The following KIAA0232 variants were observed in gnomAD, a reference collection of about 807,000 sequenced individuals.
The protein encoded by KIAA0232 is uncharacterized protein KIAA0232.
A neutral mutation model predicts 122.0 loss-of-function variants in KIAA0232; 27 were observed. The ratio of observed to expected loss-of-function variants is 0.22; its 90% CI spans 0.16 to 0.31. The LOEUF (loss-of-function observed/expected upper bound fraction) is 0.31, where lower values mean the gene tolerates loss of function less well. Ranked by LOEUF, KIAA0232 falls within the 10% of genes least tolerant of loss-of-function variation. The pLI, the probability that KIAA0232 is intolerant of heterozygous loss-of-function variation, is 1.00. For missense variants in KIAA0232, 1,551 were observed against 1,634.2 expected, an observed-to-expected ratio of 0.95 and a Z score of 0.88; for synonymous variants, 613 against 587.6, an observed-to-expected ratio of 1.04 and a Z score of -0.63.
intron 7 of KIAA0232, 148 bp from the exon 8 acceptor site, chr4:6,871,426 C>T: frequency 1.8e-6 from 1 of 563,038 alleles, no homozygotes; most frequent in Non-Finnish European, 3.1e-6. Flanking sequence ...AGAGCCAGAC[C>T]CTATCTCAAA....
At chr4:6,806,704 A>G (rs1415555238) in intron 2 of KIAA0232, among the ~76,000 whole-genome samples, 1 of 132,894 alleles carries the variant, frequency 7.5e-6, no homozygotes, top group Non-Finnish European at 1.5e-5. Context: ...ACTGCACTCC[A>G]TCCTGGGTGA....
At chr4:6,826,627 C>G (rs756628678) in intron 3 of KIAA0232, among the ~76,000 whole-genome samples, 2 of 151,628 alleles carry the variant, frequency 1.3e-5, no homozygotes, top group Non-Finnish European at 2.9e-5. Flanking sequence ...GCCTCTGTCT[C>G]CTGAGTAGCT....
At chr4:6,876,825 T>G (rs1721781243) in intron 9 of KIAA0232, 68 bp downstream of exon 9, 1 of 1,150,596 alleles carries the variant, frequency 8.7e-7, no homozygotes, top group Non-Finnish European at 1.3e-6. Flanking sequence ...GTCACTGTAG[T>G]CAAAAACCTG....
rs372985624 is a variant in KIAA0232, at chr4:6,880,953, G to C, written c.4175G>C (p.Arg1392Pro). 1.4e-5 allele frequency: 22 copies of C among 1,552,090 alleles called. No homozygotes were observed. The East Asian group carries it at 4.4e-4, about 31-fold the overall frequency. Residue 1392 changes from arginine (R) to proline (P), a missense_variant, in exon 10 of 10, where the codon CGA (arginine) becomes CCA (proline). Around this residue, in one of 5 missense-constraint regions of KIAA0232, gnomAD observed 1,108 missense variants for 1,154.8 expected, o/e 0.96. Transcript: ENST00000307659. ...VGPSEEELFS[R>P]THL The stretch of plus-strand genomic sequence containing the variant: ...CCTAGTGAAGAGGAGCTCTTTTCTC[G>C]AACTCATCTCTAAACCTGCAAAATA...
At chr4:6,797,732 C>G (rs1717191444) in intron 1 of KIAA0232, among the ~76,000 whole-genome samples, 1 of 145,020 alleles carries the variant, frequency 6.9e-6, no homozygotes, top group Non-Finnish European at 1.5e-5. Context: ...CACTACTGTG[C>G]TCCAGCTAGC....
chr4:6,831,024 CTTTT>C (rs934670901), intron 3 of KIAA0232, among the ~76,000 whole-genome samples: 7 of 151,128 alleles, frequency 4.6e-5, no homozygotes, highest in East Asian at 3.9e-4. Flanking sequence ...CTTTCTTTCT[CTTTT>C]TTTTTATTTT....
At chr4:6,837,038 C>T (rs1266230803) in intron 3 of KIAA0232, among the ~76,000 whole-genome samples, 3 of 152,226 alleles carry the variant, frequency 2.0e-5, no homozygotes, top group Non-Finnish European at 4.4e-5. Context: ...TCATCATGGC[C>T]CATTCTCCAT....
chr4:6,851,921 C>A (rs1420865024), intron 4 of KIAA0232, among the ~76,000 whole-genome samples: 1 of 152,026 alleles, frequency 6.6e-6, no homozygotes, highest in Non-Finnish European at 1.5e-5. Context: ...GATCATGTTC[C>A]CTTTATGTTA....
At chr4:6,874,807 C>T (rs1721664518) in intron 8 of KIAA0232, among the ~76,000 whole-genome samples, 1 of 152,114 alleles carries the variant, frequency 6.6e-6, no homozygotes, top group Non-Finnish European at 1.5e-5. Flanking sequence ...TGTCATAGCC[C>T]GAAACAGGGT....
chr4:6,789,009 C>G (rs533218459), intron 1 of KIAA0232, among the ~76,000 whole-genome samples: 1 of 151,652 alleles, frequency 6.6e-6, no homozygotes, highest in African/African-American at 2.4e-5. Flanking sequence ...CTCGCTCTGT[C>G]GCCCAGGCTC....
chr4:6,862,774 C>G lies in KIAA0232; in HGVS notation c.2392C>G (p.Gln798Glu), dbSNP rs1327546186. Residue 798 changes from glutamine (Q) to glutamate (E), a missense_variant, in exon 7 of 10, where the codon CAA (glutamine) becomes GAA (glutamate). By Grantham distance (29) the Gln-to-Glu change is conservative. Coordinates refer to ENST00000307659, the MANE Select transcript of KIAA0232 (RefSeq NM_014743.3). ...LESVCGIQLEQKTENKNFETT... is the reference protein window; with the variant it reads ...LESVCGIQLEEKTENKNFETT... ...ATCCGTCTGTGGTATTCAGCTAGAA[C>G]AAAAAACAGAAAACAAAAATTTTGA... is the stretch of plus-strand genomic sequence containing the variant. 1.2e-6 allele frequency: 2 copies of G among 1,613,798 alleles called. No homozygotes were observed. Among genetic ancestry groups the G allele is most frequent in the South Asian group, 1.1e-5 (1 of 91,018 alleles).
intron 4 of KIAA0232, among the ~76,000 whole-genome samples, chr4:6,852,847 A>G (rs1217171087): frequency 6.6e-6 from 1 of 152,192 alleles, no homozygotes; most frequent in African/African-American, 2.4e-5. Flanking sequence ...ACCACATGGC[A>G]GATGGAGAAC....
chr4:6,830,461 G>C lies in KIAA0232; in HGVS notation c.231+5777G>C, dbSNP rs978139491. Among the ~76,000 whole-genome samples, 6 of 139,492 alleles carry C rather than the reference G, an allele frequency of 4.3e-5. No individual in the cohort carries two copies. The Admixed American group carries it at 4.5e-4, about 11-fold the overall frequency. 91.5% of individuals were successfully genotyped at this position (139,492 alleles called of 152,430 possible). ...CACTCACTGTGTTGCCCAGGCTAGAGTGCAGGGGCGATCTCAGCTCACTGC... is the reference window on the plus strand; with the variant it reads ...CACTCACTGTGTTGCCCAGGCTAGACTGCAGGGGCGATCTCAGCTCACTGC... On this transcript the variant is annotated intron_variant, in intron 3 of 9. Transcript: ENST00000307659.
chr4:6,832,883 T>C (rs929177789), intron 3 of KIAA0232, among the ~76,000 whole-genome samples: 3 of 152,188 alleles, frequency 2.0e-5, no homozygotes, highest in Non-Finnish European at 4.4e-5. Context: ...TTAAATCCCC[T>C]AATCAAATTG....
rs563737303 is a variant in KIAA0232, at chr4:6,850,854, G to A, written c.370-6310G>A. Among the ~76,000 whole-genome samples, 6 of 152,184 alleles carry A rather than the reference G, an allele frequency of 3.9e-5. No individual in the cohort carries two copies. The South Asian group carries it at 1.2e-3, about 32-fold the overall frequency. ...CCAGCTAATTTTTGTATTCTTAGTA[G>A]AGACGGGATTTCACCATGTTGGCCA... On this transcript the variant is annotated intron_variant, in intron 4 of 9. Transcript: ENST00000307659.
rs1465267502 is a variant in KIAA0232, at chr4:6,782,826, CCGGCAGCCT to C, written c.-362_-354del. On this transcript the variant is annotated 5_prime_UTR_variant, in exon 1 of 10. Transcript: ENST00000307659. Reference sequence around the variant, plus strand: ...GCGCCCCCGCCGGCCGCCGCGCCGCCCGGCAGCCTCGGCAGGTACTGCGGGCAGGCGGCG... The same window carrying C: ...GCGCCCCCGCCGGCCGCCGCGCCGCCCGGCAGGTACTGCGGGCAGGCGGCG... The C allele has an allele frequency of 1.3e-5, 2 of 148,600 alleles. No individual in the cohort carries two copies. Among genetic ancestry groups the C allele is most frequent in the African/African-American group, 2.4e-5 (1 of 41,034 alleles). The allele number at this position is 148,600 out of a possible 1,614,324, so 9.2% of individuals were successfully genotyped here.
intron 1 of KIAA0232, among the ~76,000 whole-genome samples, chr4:6,785,224 A>C (rs959810117): frequency 6.6e-6 from 1 of 152,208 alleles, no homozygotes; most frequent in East Asian, 1.9e-4. Context: ...GGCGTGAGCC[A>C]CCGCGCCTGG....
At chr4:6,837,821 G>A (rs1419351799) in intron 3 of KIAA0232, among the ~76,000 whole-genome samples, 1 of 152,160 alleles carries the variant, frequency 6.6e-6, no homozygotes, top group African/African-American at 2.4e-5. Context: ...GGCTGAGGCA[G>A]GAGAATCAGG....
Position 6,864,568 on chromosome 4 carries a change from G to A in KIAA0232, c.3801+385G>A, listed in dbSNP as rs1317354990. 5.9e-5 allele frequency among the ~76,000 whole-genome samples: 9 copies of A among 151,748 alleles called. No individual in the cohort carries two copies. In the South Asian group the frequency reaches 8.3e-4, roughly 14 times the overall value. ...AGCTTGGCCAACATGGTGAGACCCC[G>A]TCTCTACTAAAAATACAAAAATTAC... On this transcript the variant is annotated intron_variant, in intron 7 of 9. Transcript: ENST00000307659.
Sources: gnomAD v4.1 joint callset for allele counts (sites outside exome capture counted in the v4.1 genomes callset) on GRCh38, gnomAD v4.1.1 for gene constraint, gnomAD v4.1.1 regional missense constraint, MANE v1.5 for transcripts, NCBI Gene and HGNC (gene_info 2026-07-23, HGNC 2026-07-21) for gene names.